Variants in CTPS2 observed in about 807,000 individuals in gnomAD.
CTPS2 encodes the protein CTP synthase II.
In CTPS2, 19 loss-of-function variants were observed where a neutral mutation model predicts 46.8. The ratio of observed to expected loss-of-function variants is 0.41; its 90% CI spans 0.28 to 0.60. The LOEUF (loss-of-function observed/expected upper bound fraction) is 0.60. CTPS2 is among the 20% of genes least tolerant of loss of function. The probability of loss-of-function intolerance (pLI) is 0.35; values close to 1 mark genes in which losing one functional copy is unlikely to be tolerated. For synonymous variants in CTPS2, 151 were observed against 165.2 expected (o/e 0.91, Z 0.66); for missense variants, 286 against 447.6 (o/e 0.64, Z 3.26).
Position 16,703,030 on chromosome X carries a change from T to TC in CTPS2, c.-39-90_-39-89insG, listed in dbSNP as rs1187336721. 4.8e-6 allele frequency: 3 copies of TC among 624,766 alleles called. No individual in the cohort carries two copies. The East Asian group carries it at 1.1e-4, about 23-fold the overall frequency. The allele number at this position is 624,766 out of a possible 1,213,427, so 51.5% of individuals were successfully genotyped here. A position where few individuals can be genotyped will look rare whatever the true frequency, so the allele number is the denominator to read the frequency against. ...GTATTCAACCAGAATTAATTTTTTT[T>TC]TTTTTTTTTTTTAGACATAGTCTTA... On this transcript the variant is annotated intron_variant, in intron 1 of 18. Coordinates refer to ENST00000359276, the MANE Select transcript of CTPS2 (RefSeq NM_175859.3).
chrX:16,603,542 G>A (rs1230979942), intron 17 of CTPS2, among the ~76,000 whole-genome samples: 4 of 111,040 alleles, frequency 3.6e-5, no homozygotes, highest in South Asian at 3.7e-4. Context: ...CTGTAGGTTT[G>A]CAAGTTTTCA....
rs746554928 is a variant in CTPS2 at position 16,654,562 on chromosome X, G to C, written c.1296+12952C>G. The C allele has an allele frequency of 8.1e-5, 57 of 700,280 alleles. No homozygotes were observed. The East Asian group carries it at 1.9e-3, about 23-fold the overall frequency. The allele number at this position is 700,280 out of a possible 1,213,427, so 57.7% of individuals were successfully genotyped here. A position where few individuals can be genotyped will look rare whatever the true frequency, so the allele number is the denominator to read the frequency against. ...ACTGGAGGAAGAGCGCCTGTGCTGT[G>C]GTCTTATCCTATGTGGAATCCCCCA... On this transcript the variant is annotated intron_variant, in intron 13 of 18. Transcript: ENST00000359276.
intron 17 of CTPS2, among the ~76,000 whole-genome samples, chrX:16,608,345 G>T (rs938433163): frequency 9.0e-6 from 1 of 111,416 alleles, no homozygotes; most frequent in Admixed American, 9.6e-5. Flanking sequence ...CCAGCACTTT[G>T]GGAGGTCAAG....
chrX:16,710,080 C>T (rs1404238105), intron 1 of CTPS2, among the ~76,000 whole-genome samples: 4 of 109,746 alleles, frequency 3.6e-5, no homozygotes, highest in South Asian at 7.7e-4. Flanking sequence ...AACCCTTTTC[C>T]CCCCAAAGCC....
chrX:16,669,599 G>A (rs1162623245), intron 11 of CTPS2, among the ~76,000 whole-genome samples: 2 of 109,639 alleles, frequency 1.8e-5, no homozygotes, highest in Non-Finnish European at 1.9e-5. Flanking sequence ...GGCCCCCAAC[G>A]AGCTTAGACC....
chrX:16,691,630 C>A lies in CTPS2; in HGVS notation c.640-10G>T. 3 of 1,187,473 alleles carry A rather than the reference C, an allele frequency of 2.5e-6. No homozygotes were observed. On this transcript the variant is annotated splice_polypyrimidine_tract_variant and intron_variant, in intron 6 of 18. Transcript: ENST00000359276. ...AACTTCGGCAGACAATCTGTCAAAG[C>A]CAGTTATGCTTCAGCAAACAGGATT...
chrX:16,667,304 T>C (rs1345312008), intron 13 of CTPS2, among the ~76,000 whole-genome samples: 1 of 110,578 alleles, frequency 9.0e-6, no homozygotes, highest in African/African-American at 3.3e-5. Flanking sequence ...AGCTAATTTT[T>C]GTATTTTTAG....
At chrX:16,687,931 C>G (rs1332825721) in intron 8 of CTPS2, among the ~76,000 whole-genome samples, 1 of 110,847 alleles carries the variant, frequency 9.0e-6, no homozygotes, top group Non-Finnish European at 1.9e-5. Flanking sequence ...CTGGTATCCC[C>G]TTATTATATA....
intron 14 of CTPS2, among the ~76,000 whole-genome samples, chrX:16,638,254 CAA>C (rs1185750089): frequency 2.9e-4 from 11 of 37,952 alleles, no homozygotes; most frequent in Admixed American, 3.3e-4. Flanking sequence ...GACTCTGTCT[CAA>C]AAAAAAAAAA....
intron 10 of CTPS2, among the ~76,000 whole-genome samples, chrX:16,674,466 G>A (rs1016502332): frequency 4.5e-5 from 5 of 111,108 alleles, no homozygotes; most frequent in Middle Eastern, 4.2e-3. Flanking sequence ...TCCAGCTAAC[G>A]GATTATTTTA....
At chrX:16,632,792 G>T (rs763739572) in intron 14 of CTPS2, among the ~76,000 whole-genome samples, 1 of 111,282 alleles carries the variant, frequency 9.0e-6, no homozygotes, top group South Asian at 3.8e-4. Flanking sequence ...TTTATTAGAA[G>T]ACTAGAAAAT....
chrX:16,700,186 G>A (rs1364058414), intron 2 of CTPS2, among the ~76,000 whole-genome samples: 3 of 105,579 alleles, frequency 2.8e-5, no homozygotes, highest in African/African-American at 1.0e-4. Context: ...GTGCGATCTC[G>A]GCTCACTGCA....
intron 14 of CTPS2, among the ~76,000 whole-genome samples, chrX:16,633,762 A>G (rs1022360312): frequency 9.8e-5 from 11 of 112,147 alleles, no homozygotes; most frequent in Admixed American, 3.8e-4. Flanking sequence ...TACAGCAAGA[A>G]GAAAAATAAT....
intron 17 of CTPS2, among the ~76,000 whole-genome samples, chrX:16,593,441 A>AC (rs1367445281): frequency 9.3e-6 from 1 of 107,828 alleles, no homozygotes; most frequent in Non-Finnish European, 1.9e-5. Flanking sequence ...AAAAAAAAAA[A>AC]AAAAAAGTCT....
Position 16,693,137 on chromosome X carries a change from T to C in CTPS2, c.639+4A>G, listed in dbSNP as rs1368872636. ...GATAGACTTACCCACTGTCCTCAACTCACCAGATCTGGAGACAGGCCTAAA... is the reference window on the plus strand; with the variant it reads ...GATAGACTTACCCACTGTCCTCAACCCACCAGATCTGGAGACAGGCCTAAA... On this transcript the variant is annotated splice_donor_region_variant and intron_variant, in intron 6 of 18. Coordinates refer to ENST00000359276, the MANE Select transcript of CTPS2 (RefSeq NM_175859.3). 9.3e-6 allele frequency: 11 copies of C among 1,179,314 alleles called. No individual in the cohort carries two copies. The highest frequency in any genetic ancestry group is 1.3e-5 in the Non-Finnish European group (11 of 871,394).
chrX:16,644,621 G>A lies in CTPS2; in HGVS notation c.1297-5378C>T, dbSNP rs1273324017. Among the ~76,000 whole-genome samples the A allele has an allele frequency of 3.6e-5, 4 of 111,807 alleles. No homozygotes were observed. The East Asian group carries it at 1.1e-3, about 31-fold the overall frequency. ...CTGGCTTTGAAGATGGAGGATGGCC[G>A]TGGGCAAGTGGCCTCTAGAAGCTGG... On this transcript the variant is annotated intron_variant, in intron 13 of 18. Transcript: ENST00000359276.
rs1209390311 is a variant in CTPS2 at position 16,609,582 on chromosome X, G to A, written c.1650C>T (p.Asn550=). The stretch of plus-strand genomic sequence containing the variant: ...AACCCTGTTGCAAGTAGGCATTCAG[G>A]TTCCCAGTTGCTGCAAGTAACAGCC... The part of the protein sequence containing the change: ...YLGLLLAATG[N]LNAYLQQGCK... Residue 550 remains asparagine, a synonymous_variant, in exon 17 of 19, where the codon AAC becomes AAT. Coordinates refer to ENST00000359276, the MANE Select transcript of CTPS2 (RefSeq NM_175859.3). The A allele has an allele frequency of 8.3e-7, 1 of 1,211,358 alleles. No individual in the cohort carries two copies. The highest frequency in any genetic ancestry group is 1.8e-5 in the South Asian group (1 of 56,981).
At chrX:16,591,080 A>G (rs1928877797) in intron 17 of CTPS2, 1 of 296,220 alleles carries the variant, frequency 3.4e-6, no homozygotes, top group South Asian at 1.2e-4. Flanking sequence ...ACTTATTTTC[A>G]TCGTAAACTG....
chrX:16,612,729 C>T (rs1262125366), intron 16 of CTPS2, among the ~76,000 whole-genome samples: 1 of 111,815 alleles, frequency 8.9e-6, no homozygotes, highest in Non-Finnish European at 1.9e-5. Flanking sequence ...AACGTGAAAA[C>T]AAGAGAAACA....
Sources: gnomAD v4.1 joint callset for allele counts (sites outside exome capture counted in the v4.1 genomes callset) on GRCh38, gnomAD v4.1.1 for gene constraint, MANE v1.5 for transcripts, NCBI Gene and HGNC (gene_info 2026-07-23, HGNC 2026-07-21) for gene names.